Variants in PARD3B observed in about 807,000 individuals in gnomAD.
The protein encoded by PARD3B is partitioning defective 3 homolog B.
Under a neutral mutation model 130.2 loss-of-function variants are expected in PARD3B, and 103 were observed. The observed-to-expected ratio is 0.79, with a 90% CI of 0.67 to 0.93. The LOEUF (loss-of-function observed/expected upper bound fraction) is 0.93. PARD3B is among the 40% of genes least tolerant of loss of function. PARD3B has a pLI of 0.00. For missense variants in PARD3B, 1,609 were observed against 1,499.2 expected (o/e 1.07, Z -1.21); for synonymous variants, 583 against 553.2 (o/e 1.05, Z -0.76).
intron 16 of PARD3B, among the ~76,000 whole-genome samples, chr2:205,257,503 T>C (rs981362169): frequency 2.0e-5 from 3 of 152,170 alleles, no homozygotes; most frequent in Non-Finnish European, 2.9e-5. Flanking sequence ...CTAACAGGCC[T>C]CACAGAAATA....
At chr2:204,788,504 C>G (rs941790398) in intron 2 of PARD3B, among the ~76,000 whole-genome samples, 13 of 152,210 alleles carry the variant, frequency 8.5e-5, no homozygotes, top group African/African-American at 3.1e-4. Flanking sequence ...TGCAGATGAT[C>G]TTTTCTTATG....
At chr2:205,083,334 G>GA (rs55665658) in intron 4 of PARD3B, among the ~76,000 whole-genome samples, 63,947 of 139,876 alleles carry the variant, frequency 0.46, 14,014 homozygotes, top group East Asian at 0.57. Context: ...TTTAAGAATA[G>GA]AAAAAAAAAA....
At chr2:204,817,811 G>A (rs530810911) in intron 2 of PARD3B, among the ~76,000 whole-genome samples, 1 of 152,272 alleles carries the variant, frequency 6.6e-6, no homozygotes, top group Non-Finnish European at 1.5e-5. Context: ...AGCTGAAGCA[G>A]TTAATAGAGC....
intron 1 of PARD3B, among the ~76,000 whole-genome samples, chr2:204,566,503 TTC>T (rs1330583799): frequency 6.6e-6 from 1 of 152,198 alleles, no homozygotes; most frequent in Admixed American, 6.5e-5. Flanking sequence ...GCTTTTTCTC[TTC>T]TCTCTTGAAA....
At chr2:204,595,622 C>G (rs2033253790) in intron 1 of PARD3B, among the ~76,000 whole-genome samples, 1 of 152,180 alleles carries the variant, frequency 6.6e-6, no homozygotes, top group Non-Finnish European at 1.5e-5. Flanking sequence ...TGGGACATTT[C>G]TGTATGTTAG....
chr2:205,331,153 C>T (rs2043109954), intron 18 of PARD3B, among the ~76,000 whole-genome samples: 1 of 152,036 alleles, frequency 6.6e-6, no homozygotes, highest in South Asian at 2.1e-4. Context: ...AGGGCAAACA[C>T]AAGTTTACAT....
intron 2 of PARD3B, among the ~76,000 whole-genome samples, chr2:204,693,370 A>G (rs2037443939): frequency 6.6e-6 from 1 of 151,990 alleles, no homozygotes; most frequent in Non-Finnish European, 1.5e-5. Context: ...CAGAATGGTT[A>G]AGATCTTGGA....
chr2:204,552,898 A>G (rs960821304), intron 1 of PARD3B, among the ~76,000 whole-genome samples: 1 of 152,186 alleles, frequency 6.6e-6, no homozygotes, highest in Non-Finnish European at 1.5e-5. Context: ...TTTGGTGACT[A>G]TGGTCTTATA....
At chr2:204,958,955 C>A (rs1231421370) in intron 2 of PARD3B, among the ~76,000 whole-genome samples, 1 of 152,056 alleles carries the variant, frequency 6.6e-6, no homozygotes, top group East Asian at 1.9e-4. Flanking sequence ...ATCCAAAGTT[C>A]TTTTTTATTG....
intron 2 of PARD3B, among the ~76,000 whole-genome samples, chr2:204,920,555 C>T (rs2047636073): frequency 6.6e-6 from 1 of 152,122 alleles, no homozygotes; most frequent in African/African-American, 2.4e-5. Context: ...CTTCAAATAC[C>T]TTTGTGCTCA....
At chr2:205,102,744 C>T (rs938656498) in intron 4 of PARD3B, among the ~76,000 whole-genome samples, 1 of 152,122 alleles carries the variant, frequency 6.6e-6, no homozygotes, top group African/African-American at 2.4e-5. Flanking sequence ...CAAAGTGCTT[C>T]TGTTGCAGTT....
chr2:204,600,782 C>G (rs1220115841), intron 1 of PARD3B, among the ~76,000 whole-genome samples: 1 of 151,700 alleles, frequency 6.6e-6, no homozygotes, highest in Admixed American at 6.6e-5. Flanking sequence ...GTATTCTTTC[C>G]ATCATTGACT....
chr2:205,100,899 C>T (rs898464169), intron 4 of PARD3B, among the ~76,000 whole-genome samples: 6 of 152,004 alleles, frequency 3.9e-5, no homozygotes, highest in Non-Finnish European at 5.9e-5. Context: ...TATAATAAAA[C>T]AAAGGTGTAC....
intron 18 of PARD3B, among the ~76,000 whole-genome samples, chr2:205,384,586 A>G (rs2045594928): frequency 6.6e-6 from 1 of 151,990 alleles, no homozygotes; most frequent in East Asian, 1.9e-4. Context: ...TCCTAGCTCT[A>G]TTTTCCTTCC....
In PARD3B at chr2:205,460,861, A is replaced by G. The variant is rs555185067; in HGVS notation, c.3044+20189A>G. ...GAAGTGCCCTTTATTTGACCCGTCA[A>G]ATAGAGGATCTGGAGAATAAAAAAA... On this transcript the variant is annotated intron_variant, in intron 20 of 22. Transcript: ENST00000406610. The surrounding 1 kb of genome is among the most constrained non-coding windows in gnomAD (Gnocchi z 4.9). 2.6e-5 allele frequency among the ~76,000 whole-genome samples: 4 copies of G among 152,254 alleles called. No homozygotes were observed. The East Asian group carries it at 7.7e-4, about 29-fold the overall frequency.
intron 14 of PARD3B, 125 bp downstream of exon 14, chr2:205,185,988 A>T: frequency 1.3e-6 from 1 of 757,532 alleles, no homozygotes; most frequent in South Asian, 2.0e-5. Flanking sequence ...TATAGTATCT[A>T]TAATTCCTTT....
intron 20 of PARD3B, among the ~76,000 whole-genome samples, chr2:205,483,563 C>T (rs1235248727): frequency 1.3e-5 from 2 of 152,052 alleles, no homozygotes; most frequent in African/African-American, 4.8e-5. Flanking sequence ...GCATTTTGAC[C>T]ATTAGCTCTT....
chr2:205,224,794 T>C lies in PARD3B; in HGVS notation c.2141-20984T>C, dbSNP rs531411321. ...CTGAATAGTACCTGATTTTTTTTTC[T>C]TTTCTCATAATTTTTTATTCCATGG... On this transcript the variant is annotated intron_variant, in intron 15 of 22. Transcript: ENST00000406610. 3.3e-5 allele frequency among the ~76,000 whole-genome samples: 5 copies of C among 152,134 alleles called. No homozygotes were observed. In the East Asian group the frequency reaches 9.6e-4, roughly 29 times the overall value.
At chr2:205,000,259 T>G (rs1694719032) in intron 3 of PARD3B, among the ~76,000 whole-genome samples, 1 of 152,208 alleles carries the variant, frequency 6.6e-6, no homozygotes, top group Non-Finnish European at 1.5e-5. Flanking sequence ...TTTGCTACAT[T>G]AGGCTTGTTA....
Sources: allele counts gnomAD v4.1 joint callset (sites outside exome capture counted in the v4.1 genomes callset), GRCh38; gene constraint gnomAD v4.1.1; non-coding constraint Gnocchi (gnomAD v3.1); transcripts MANE v1.5; gene names NCBI Gene and HGNC (gene_info 2026-07-23, HGNC 2026-07-21).